Variants in SPATA13 observed in about 807,000 individuals in gnomAD.
The protein encoded by SPATA13 is spermatogenesis-associated protein 13.
In SPATA13, 50 loss-of-function variants were observed where a neutral mutation model predicts 104.0. The ratio of observed to expected loss-of-function variants is 0.48; its 90% confidence interval spans 0.38 to 0.61. The LOEUF is 0.61. Ranked by LOEUF, SPATA13 falls within the 20% of genes least tolerant of loss-of-function variation. SPATA13 has a pLI of 0.00. For synonymous variants in SPATA13, 606 were observed against 667.5 expected, an observed-to-expected ratio of 0.91 and a Z score of 1.42; for missense variants, 1,524 against 1,690.6, an observed-to-expected ratio of 0.90 and a Z score of 1.73.
chr13:24,015,765 G>A (rs1019444793), intron 2 of SPATA13, among the ~76,000 whole-genome samples: 5 of 151,490 alleles, frequency 3.3e-5, no homozygotes, highest in Non-Finnish European at 7.4e-5. Context: ...TAGGTCCACC[G>A]TTTCTGGGGT....
In SPATA13 at chr13:24,189,303, C is replaced by G. The variant is rs565738268; in HGVS notation, c.-112+28371C>G. Among the ~76,000 whole-genome samples, 154 of 151,734 alleles carry G rather than the reference C, an allele frequency of 1.0e-3. 1 individual carries two copies. The highest frequency in any genetic ancestry group is 3.7e-3 in the African/African-American group (151 of 41,342). On this transcript the variant is annotated intron_variant, in intron 1 of 12. Coordinates refer to ENST00000382108, the MANE Select transcript of SPATA13 (RefSeq NM_001166271.3). Reference sequence around the variant, plus strand: ...TGGCTAACACAGTGAAACCCCGTCTCTACTAGAAATACTAAAAGTTAGCCA... The same window carrying G: ...TGGCTAACACAGTGAAACCCCGTCTGTACTAGAAATACTAAAAGTTAGCCA...
intron 3 of SPATA13, among the ~76,000 whole-genome samples, chr13:24,023,377 G>A (rs1877071584): frequency 7.0e-6 from 1 of 142,956 alleles, no homozygotes. Context: ...CTGGAGTGAA[G>A]ATATAACTGA....
chr13:24,015,450 G>A (rs1876666347), intron 2 of SPATA13, among the ~76,000 whole-genome samples: 1 of 152,228 alleles, frequency 6.6e-6, no homozygotes, highest in Admixed American at 6.5e-5. Flanking sequence ...AACTAATTTC[G>A]GGGACAGCCC....
chr13:24,052,043 T>C (rs1006126118), intron 3 of SPATA13, among the ~76,000 whole-genome samples: 49 of 151,282 alleles, frequency 3.2e-4, no homozygotes, highest in African/African-American at 1.2e-3. Flanking sequence ...TGGTGAGGAG[T>C]CCCTGTGTTT....
At chr13:24,114,355 A>ACGTGTGTGCCTGCATGTGTGCACATG (rs1880755736) in intron 3 of SPATA13, among the ~76,000 whole-genome samples, 1 of 72,986 alleles carries the variant, frequency 1.4e-5, no homozygotes, top group East Asian at 4.7e-4. Flanking sequence ...TTCAGTGTGC[A>ACGTGTGTGCCTGCATGTGTGCACATG]CGTGTGTGCC....
intron 2 of SPATA13, among the ~76,000 whole-genome samples, chr13:24,017,396 C>T (rs527824720): frequency 6.6e-6 from 1 of 152,262 alleles, no homozygotes; most frequent in African/African-American, 2.4e-5. Context: ...AGCTTGAAAA[C>T]GCACAGTGTG....
intron 3 of SPATA13, among the ~76,000 whole-genome samples, chr13:24,251,125 C>A (rs1355066870): frequency 6.6e-6 from 1 of 152,180 alleles, no homozygotes; most frequent in African/African-American, 2.4e-5. Context: ...ATAAGAGAGA[C>A]CTGGGCAACT....
chr13:24,234,127 T>A (rs1872444137), intron 2 of SPATA13, among the ~76,000 whole-genome samples: 1 of 152,208 alleles, frequency 6.6e-6, no homozygotes, highest in Non-Finnish European at 1.5e-5. Context: ...CCAACTCTTA[T>A]AGAAATTACC....
intron 8 of SPATA13, 94 bp from the exon 9 acceptor site, chr13:24,290,558 G>A: frequency 1.1e-6 from 1 of 912,832 alleles, no homozygotes; most frequent in Non-Finnish European, 1.8e-6. Flanking sequence ...CTCCTTTCTA[G>A]GAGTGTCCCT....
intron 3 of SPATA13, among the ~76,000 whole-genome samples, chr13:24,018,042 G>T (rs1477010696): frequency 6.6e-6 from 1 of 152,166 alleles, no homozygotes; most frequent in African/African-American, 2.4e-5. Flanking sequence ...ACTTGGGAAT[G>T]ATTTTGTTTT....
At position 24,272,128 on chromosome 13, in the gene SPATA13, C is replaced by A. The variant is rs560314083; in HGVS notation, c.2165-12007C>A. Among the ~76,000 whole-genome samples the A allele has an allele frequency of 3.9e-5, 6 of 152,298 alleles. No individual in the cohort carries two copies. In the South Asian group the frequency reaches 1.2e-3, roughly 32 times the overall value. On this transcript the variant is annotated intron_variant, in intron 4 of 12. Transcript: ENST00000382108. ...GGGTTCCTGCACCCATGGCCTTGAG[C>A]AGGGGCGTGTTCATTCCCACCGGGA...
chr13:24,241,677 G>T (rs911911529), intron 2 of SPATA13, among the ~76,000 whole-genome samples: 1 of 152,240 alleles, frequency 6.6e-6, no homozygotes, highest in Non-Finnish European at 1.5e-5. Flanking sequence ...ACCTCCCCGC[G>T]TGCCGGGATA....
chr13:24,224,645 G>T, intron 2 of SPATA13, 63 bp downstream of exon 2: 6 of 1,514,844 alleles, frequency 4.0e-6, no homozygotes, highest in Non-Finnish European at 5.3e-6. Flanking sequence ...GCTTGCACAG[G>T]TGTTGCCCTT....
chr13:24,078,433 T>C (rs1159729423), intron 3 of SPATA13, among the ~76,000 whole-genome samples: 1 of 152,254 alleles, frequency 6.6e-6, no homozygotes, highest in Non-Finnish European at 1.5e-5. Context: ...ATGCTGTTAC[T>C]GTCTCATTTA....
At chr13:24,016,567 A>T (rs1453484201) in intron 2 of SPATA13, among the ~76,000 whole-genome samples, 1 of 151,742 alleles carries the variant, frequency 6.6e-6, no homozygotes, top group Non-Finnish European at 1.5e-5. Context: ...GTTCACCTTG[A>T]CCTCCACTGA....
chr13:24,302,640 A>C lies in SPATA13; in HGVS notation c.3701A>C (p.His1234Pro). The C allele has an allele frequency of 6.2e-7, 1 of 1,613,450 alleles. No individual in the cohort carries two copies. Among genetic ancestry groups the C allele is most frequent in the East Asian group, 2.2e-5 (1 of 44,860 alleles). The change falls in exon 13 of 13, where the codon CAC becomes CCC. Residue 1234 changes from histidine (H) to proline (P), a missense_variant. By Grantham distance (77) the His-to-Pro change is moderately conservative. This residue lies in a region of SPATA13 where 435 missense variants were observed against 554.8 expected (regional missense o/e 0.78). Coordinates refer to ENST00000382108, the MANE Select transcript of SPATA13 (RefSeq NM_001166271.3). Reference sequence around the variant, plus strand: ...GTGGCCCCACCGCACCAGGGCCTGCACCCCATCCACCAGCGCCACATCACT... The same window carrying C: ...GTGGCCCCACCGCACCAGGGCCTGCCCCCCATCCACCAGCGCCACATCACT... ...CPVAPPHQGL[H>P]PIHQRHITMP... is the part of the protein sequence containing the mutation.
Position 24,139,819 on chromosome 13 carries a change from G to A in SPATA13, c.-111-83000G>A, listed in dbSNP as rs111344541. On this transcript the variant is annotated intron_variant, in intron 3 of 14. Transcript: ENST00000424834. ...GCGGTGGCTCACGTCTGTAATCCCA[G>A]CACTTTGGGAGGCCAAGGAGGGCGG... Among the ~76,000 whole-genome samples, 540 of 152,318 alleles carry A rather than the reference G, an allele frequency of 3.5e-3. 3 individuals carry two copies. The highest frequency in any genetic ancestry group is 0.024 in the Middle Eastern group (7 of 294).
intron 2 of SPATA13, among the ~76,000 whole-genome samples, chr13:24,232,903 G>A (rs555797753): frequency 6.6e-6 from 1 of 152,278 alleles, no homozygotes; most frequent in Non-Finnish European, 1.5e-5. Flanking sequence ...TGAAAATACA[G>A]TTACCAAATT....
At chr13:24,172,734 A>G (rs758893873) in intron 1 of SPATA13, among the ~76,000 whole-genome samples, 18 of 152,362 alleles carry the variant, frequency 1.2e-4, no homozygotes, top group Non-Finnish European at 2.5e-4. Context: ...CTCAGCCAGT[A>G]TCACAGTCTT....
Sources: gnomAD v4.1 joint callset for allele counts (sites outside exome capture counted in the v4.1 genomes callset) on GRCh38, gnomAD v4.1.1 for gene constraint, gnomAD v4.1.1 regional missense constraint, MANE v1.5 for transcripts, NCBI Gene and HGNC (gene_info 2026-07-23, HGNC 2026-07-21) for gene names.